AGAP1: variants seen among roughly 807,000 people sequenced by gnomAD.
The protein encoded by AGAP1 is arf-GAP with GTPase, ANK repeat and PH domain-containing protein 1.
Under a neutral mutation model 105.3 loss-of-function variants are expected in AGAP1, and 29 were observed. The observed-to-expected ratio is 0.28, with a 90% CI of 0.21 to 0.38. The LOEUF is 0.38. Among genes scored for constraint, AGAP1 ranks in the 10% least tolerant of loss-of-function variants. The probability of loss-of-function intolerance (pLI) is 1.00; values close to 1 mark genes in which losing one functional copy is unlikely to be tolerated. For synonymous variants in AGAP1, 509 were observed against 485.9 expected, an observed-to-expected ratio of 1.05 and a Z score of -0.63; for missense variants, 998 against 1,165.1, an observed-to-expected ratio of 0.86 and a Z score of 2.09.
chr2:235,952,274 T>C (rs60637025), intron 12 of AGAP1, among the ~76,000 whole-genome samples: 96,488 of 151,486 alleles, frequency 0.64, 31,884 homozygotes, highest in African/African-American at 0.83. Flanking sequence ...TCATTTGCAG[T>C]GGCCCAGCAA....
chr2:235,871,391 C>T (rs958168680), intron 9 of AGAP1, among the ~76,000 whole-genome samples: 2 of 152,216 alleles, frequency 1.3e-5, no homozygotes, highest in Non-Finnish European at 2.9e-5. Context: ...ACGAGGCACT[C>T]TTGCTATGCT....
chr2:235,629,269 TGTGTGTGTG>T (rs1197924626), intron 1 of AGAP1, among the ~76,000 whole-genome samples: 6 of 2,226 alleles, frequency 2.7e-3, no homozygotes, highest in Admixed American at 8.3e-3. Context: ...TAGTAGTCAT[TGTGTGTGTG>T]TGTGTGTGTG....
chr2:235,563,877 G>A (rs1342853180), intron 1 of AGAP1, among the ~76,000 whole-genome samples: 3 of 152,014 alleles, frequency 2.0e-5, no homozygotes, highest in Non-Finnish European at 2.9e-5. Context: ...TTACAAATGG[G>A]GACATTGTGG....
At chr2:235,896,899 C>T (rs1416395302) in intron 10 of AGAP1, among the ~76,000 whole-genome samples, 1 of 152,132 alleles carries the variant, frequency 6.6e-6, no homozygotes, top group Non-Finnish European at 1.5e-5. Flanking sequence ...CTATGTAATT[C>T]TTTCTTTGTT....
rs753753961 is a variant in AGAP1, at chr2:235,599,693, C to A, written c.163+104844C>A. Reference sequence around the variant, plus strand: ...GGAATCCTGCAGTCCACTTGCCCAGCGTCACTTCCTCCAGTGCCCTTTCTG... The same window carrying A: ...GGAATCCTGCAGTCCACTTGCCCAGAGTCACTTCCTCCAGTGCCCTTTCTG... On this transcript the variant is annotated intron_variant, in intron 1 of 17. Coordinates refer to ENST00000304032, the MANE Select transcript of AGAP1 (RefSeq NM_001037131.3). This position sits in a 1 kb window ranked among gnomAD's most constrained non-coding sequence, Gnocchi z 5.3. Among the ~76,000 whole-genome samples, 4 of 152,100 alleles carry A rather than the reference C, an allele frequency of 2.6e-5. No homozygotes were observed. The highest frequency in any genetic ancestry group is 5.9e-5 in the Non-Finnish European group (4 of 68,014).
chr2:235,589,194 G>GTTTTTTTTT lies in AGAP1; in HGVS notation c.163+94365_163+94373dup, dbSNP rs928149334. 5.7e-4 allele frequency among the ~76,000 whole-genome samples: 34 copies of GTTTTTTTTT among 59,616 alleles called. 2 individuals are homozygous for GTTTTTTTTT. The highest frequency in any genetic ancestry group is 4.1e-3 in the East Asian group (6 of 1,472). The allele number at this position is 59,616 out of a possible 152,430, so 39.1% of individuals were successfully genotyped here. On this transcript the variant is annotated intron_variant, in intron 1 of 17. Coordinates refer to ENST00000304032, the MANE Select transcript of AGAP1 (RefSeq NM_001037131.3). ...CTACCAGTTAATAGCTTATTGTTTT[G>GTTTTTTTTT]TTTTTTTTTTTTTTTTTTTTTTTTT...
intron 1 of AGAP1, among the ~76,000 whole-genome samples, chr2:235,643,718 G>T (rs898364611): frequency 6.6e-6 from 1 of 151,942 alleles, no homozygotes; most frequent in Non-Finnish European, 1.5e-5. Flanking sequence ...ATATCCATCT[G>T]AGCAAAACCC....
chr2:236,047,304 G>A (rs551212780), intron 15 of AGAP1, among the ~76,000 whole-genome samples: 2 of 152,062 alleles, frequency 1.3e-5, no homozygotes, highest in Non-Finnish European at 2.9e-5. Flanking sequence ...AGCAGAGGGA[G>A]CCAGTGGGGA....
Position 235,887,784 on chromosome 2 carries a change from C to T in AGAP1, c.1155+4335C>T, listed in dbSNP as rs2050339271. ...GTGTATACCACTAATTTAAGAAGCC[C>T]AGGTAATTAGTGGACTAAAAAGGAA... is the stretch of plus-strand genomic sequence containing the variant. On this transcript the variant is annotated intron_variant, in intron 10 of 17. Coordinates refer to ENST00000304032, the MANE Select transcript of AGAP1 (RefSeq NM_001037131.3). This position sits in a 1 kb window ranked among gnomAD's most constrained non-coding sequence, Gnocchi z 4.1. Among the ~76,000 whole-genome samples, 1 of 152,178 alleles carries T rather than the reference C, an allele frequency of 6.6e-6. No individual in the cohort carries two copies. The highest frequency in any genetic ancestry group is 1.5e-5 in the Non-Finnish European group (1 of 68,030).
intron 1 of AGAP1, among the ~76,000 whole-genome samples, chr2:235,584,560 G>A (rs779250233): frequency 1.9e-4 from 28 of 151,288 alleles, no homozygotes; most frequent in Admixed American, 4.6e-4. Context: ...GCCATGTCAC[G>A]ATGGAGGCAA....
rs1376877487 is a variant in AGAP1, at chr2:235,951,882, G to C, written c.1484-16580G>C. Among the ~76,000 whole-genome samples, 2 of 152,112 alleles carry C rather than the reference G, an allele frequency of 1.3e-5. No homozygotes were observed. Among genetic ancestry groups the C allele is most frequent in the Admixed American group, 6.5e-5 (1 of 15,272 alleles). ...AGGTTCCTTTCAAGAGGAAGTCTTAGCTACAGATTTTTGGTGGAAACAAAT... is the reference window on the plus strand; with the variant it reads ...AGGTTCCTTTCAAGAGGAAGTCTTACCTACAGATTTTTGGTGGAAACAAAT... On this transcript the variant is annotated intron_variant, in intron 12 of 17. Transcript: ENST00000304032. This position sits in a 1 kb window ranked among gnomAD's most constrained non-coding sequence, Gnocchi z 4.2.
At chr2:235,885,909 C>A (rs78525342) in intron 10 of AGAP1, among the ~76,000 whole-genome samples, 3,519 of 152,280 alleles carry the variant, frequency 0.023, 87 homozygotes, top group South Asian at 0.092. Context: ...TGCTCAGTGT[C>A]CTGCTAGTTT....
At chr2:235,914,400 G>C (rs963683147) in intron 11 of AGAP1, among the ~76,000 whole-genome samples, 4 of 152,082 alleles carry the variant, frequency 2.6e-5, no homozygotes, top group East Asian at 1.9e-4. Context: ...ACACTCAAGT[G>C]GGGGTGGAGG....
rs1946291329 is a variant in AGAP1 at position 235,615,901 on chromosome 2, A to G, written c.164-93278A>G. ...TAAAAGACCAACAAAAATATGTATT[A>G]CATATAGAGCATTGTCTTCTATATG... On this transcript the variant is annotated intron_variant, in intron 1 of 17. Transcript: ENST00000304032. The surrounding 1 kb of genome is among the most constrained non-coding windows in gnomAD (Gnocchi z 5.0). Among the ~76,000 whole-genome samples the G allele has an allele frequency of 6.6e-6, 1 of 152,210 alleles. No homozygotes were observed. Among genetic ancestry groups the G allele is most frequent in the Non-Finnish European group, 1.5e-5 (1 of 68,032 alleles).
intron 9 of AGAP1, among the ~76,000 whole-genome samples, chr2:235,822,074 AC>A (rs1958819616): frequency 6.6e-6 from 1 of 152,184 alleles, no homozygotes. Flanking sequence ...ACAAGGCGAG[AC>A]CTATTGGATT....
At chr2:236,017,772 C>T (rs2056756447) in intron 13 of AGAP1, among the ~76,000 whole-genome samples, 1 of 152,208 alleles carries the variant, frequency 6.6e-6, no homozygotes, top group Non-Finnish European at 1.5e-5. Context: ...CTCTTCCGGC[C>T]TCTGGACCAC....
chr2:235,695,739 A>G (rs1949965956), intron 1 of AGAP1, among the ~76,000 whole-genome samples: 1 of 152,170 alleles, frequency 6.6e-6, no homozygotes, highest in African/African-American at 2.4e-5. Context: ...GTAAGAGGTA[A>G]GTCAGCAGGG....
At chr2:235,564,160 G>A (rs777942497) in intron 1 of AGAP1, among the ~76,000 whole-genome samples, 16 of 152,016 alleles carry the variant, frequency 1.1e-4, no homozygotes, top group African/African-American at 2.2e-4. Flanking sequence ...ATTTATGATC[G>A]TAGCCCTGGC....
At chr2:235,684,022 A>G (rs1464126894) in intron 1 of AGAP1, among the ~76,000 whole-genome samples, 1 of 151,554 alleles carries the variant, frequency 6.6e-6, no homozygotes. Context: ...CCTGCAGAGG[A>G]CATGAACTCA....
Sources: gnomAD v4.1 joint callset for allele counts (sites outside exome capture counted in the v4.1 genomes callset) on GRCh38, gnomAD v4.1.1 for gene constraint, Gnocchi (gnomAD v3.1) non-coding constraint, MANE v1.5 for transcripts, NCBI Gene and HGNC (gene_info 2026-07-23, HGNC 2026-07-21) for gene names.